FBXO3: variants seen among roughly 807,000 people sequenced by gnomAD.
FBXO3 encodes the protein F-box protein 3.
FBXO3 carries 17 observed loss-of-function variants against 64.8 expected under a neutral mutation model. That is an observed-to-expected ratio of 0.26 (90% CI 0.18 to 0.39). The LOEUF (loss-of-function observed/expected upper bound fraction) is 0.39. FBXO3 is among the 10% of genes least tolerant of loss of function. The pLI, the probability that FBXO3 is intolerant of heterozygous loss-of-function variation, is 1.00. For synonymous variants in FBXO3, 182 were observed against 201.6 expected, an observed-to-expected ratio of 0.90 and a Z score of 0.82; for missense variants, 420 against 589.9, an observed-to-expected ratio of 0.71 and a Z score of 2.98.
At chr11:33,767,818 C>T (rs1855413907) in intron 3 of FBXO3, among the ~76,000 whole-genome samples, 1 of 152,080 alleles carries the variant, frequency 6.6e-6, no homozygotes, top group South Asian at 2.1e-4. Flanking sequence ...AATATTCGAC[C>T]CTACATACCA....
chr11:33,750,996 T>A (rs1005727900), intron 7 of FBXO3, among the ~76,000 whole-genome samples: 2 of 152,180 alleles, frequency 1.3e-5, no homozygotes. Flanking sequence ...CTGCATGATG[T>A]CCAATGCTAA....
In FBXO3 at chr11:33,759,138, C is replaced by G. The variant is rs143065748; in HGVS notation, c.359-537G>C. Reference sequence around the variant, plus strand: ...AATGACAAATACCAAGAGATGAGATCGACATTCAGCAGCAGCCCACCAGGT... The same window carrying G: ...AATGACAAATACCAAGAGATGAGATGGACATTCAGCAGCAGCCCACCAGGT... On this transcript the variant is annotated intron_variant, in intron 3 of 10. Coordinates refer to ENST00000265651, the MANE Select transcript of FBXO3 (RefSeq NM_012175.4). Among the ~76,000 whole-genome samples, 6 of 152,224 alleles carry G rather than the reference C, an allele frequency of 3.9e-5. No homozygotes were observed. In the East Asian group the frequency reaches 1.2e-3, roughly 29 times the overall value.
intron 1 of FBXO3, chr11:33,772,160 A>G (rs112798241): frequency 1.6e-4 from 25 of 152,376 alleles, no homozygotes; most frequent in African/African-American, 5.5e-4. Flanking sequence ...CCAGTGTACT[A>G]ATCCAATCCA....
intron 3 of FBXO3, among the ~76,000 whole-genome samples, chr11:33,763,897 G>C (rs1469287922): frequency 2.0e-5 from 3 of 152,096 alleles, no homozygotes; most frequent in Admixed American, 1.3e-4. Context: ...CTGCCAAAAA[G>C]GCTAAAATAA....
At chr11:33,754,383 T>C (rs1855037483) in intron 6 of FBXO3, 72 bp downstream of exon 6, 2 of 1,350,800 alleles carry the variant, frequency 1.5e-6, no homozygotes, top group African/African-American at 1.5e-5. Context: ...TGAAAAAGTT[T>C]TTACCATTTT....
rs766474367 is a variant in FBXO3 at position 33,754,305 on chromosome 11, T to C, written c.724+150A>G. 11 of 596,096 alleles carry C rather than the reference T, an allele frequency of 1.8e-5. No homozygotes were observed. In the Admixed American group the frequency reaches 2.1e-4, roughly 11 times the overall value. The allele number at this position is 596,096 out of a possible 1,614,324, so 36.9% of individuals were successfully genotyped here. A position where few individuals can be genotyped will look rare whatever the true frequency, so the allele number is the denominator to read the frequency against. ...AAAACGGTTCTAATGAAAACCTAGA[T>C]GCAGTACTTTATAAACCAGCAAACC... On this transcript the variant is annotated intron_variant, in intron 6 of 10. Coordinates refer to ENST00000265651, the MANE Select transcript of FBXO3 (RefSeq NM_012175.4).
chr11:33,741,963 C>T lies in FBXO3; in HGVS notation c.1361G>A (p.Arg454Gln), dbSNP rs780599721. 28 of 1,613,952 alleles carry T rather than the reference C, an allele frequency of 1.7e-5. No homozygotes were observed. Among genetic ancestry groups the T allele is most frequent in the Middle Eastern group, 3.3e-4 (2 of 6,060 alleles). The change falls in exon 11 of 11, where the codon CGG becomes CAG. Residue 454 changes from arginine to glutamine, a missense_variant. Transcript: ENST00000265651. ...AATGGGAACATCAAAGACTCTCCTC[C>T]GTCTCTCCTCTTCATCATCTTCATC... ...ESDEDDEEERRRRVFDVPIRR... is the reference protein window; with the variant it reads ...ESDEDDEEERQRRVFDVPIRR...
At chr11:33,752,343 C>T (rs1854982241) in intron 6 of FBXO3, among the ~76,000 whole-genome samples, 2 of 152,114 alleles carry the variant, frequency 1.3e-5, no homozygotes, top group African/African-American at 4.8e-5. Context: ...GTCAGACCCC[C>T]CATTATTTAC....
chr11:33,759,429 G>A (rs1393885792), intron 3 of FBXO3, among the ~76,000 whole-genome samples: 2 of 152,196 alleles, frequency 1.3e-5, no homozygotes, highest in Non-Finnish European at 1.5e-5. Flanking sequence ...GTCCACAAAG[G>A]AGAGAGGGAC....
intron 8 of FBXO3, among the ~76,000 whole-genome samples, chr11:33,750,099 T>C (rs1276965491): frequency 6.6e-6 from 1 of 152,182 alleles, no homozygotes; most frequent in East Asian, 1.9e-4. Context: ...TTGCTTCTTA[T>C]TTAATAAAAT....
At chr11:33,774,307 C>G in intron 1 of FBXO3, 87 bp downstream of exon 1, 2 of 1,168,612 alleles carry the variant, frequency 1.7e-6, no homozygotes, top group Non-Finnish European at 2.5e-6. Flanking sequence ...AGCTCGGGTC[C>G]TGTCAGCGGC....
Position 33,747,260 on chromosome 11 carries a change from G to A in FBXO3, c.1109C>T (p.Ser370Phe). 1 of 1,613,584 alleles carries A rather than the reference G, an allele frequency of 6.2e-7. No homozygotes were observed. ...VYEYTSCTTF[S>F]TTSGYMEGYY... Reference sequence around the variant, plus strand: ...TCCTTCCATGTATCCTGATGTTGTAGAGAATGTGGTACAGCTTGTGTATTC... The same window carrying A: ...TCCTTCCATGTATCCTGATGTTGTAAAGAATGTGGTACAGCTTGTGTATTC... The change falls in exon 10 of 11, where the codon TCT becomes TTT. Residue 370 changes from serine to phenylalanine, a missense_variant. Ser to Phe is a radical substitution (Grantham distance 155, BLOSUM62 -2). Coordinates refer to ENST00000265651, the MANE Select transcript of FBXO3 (RefSeq NM_012175.4).
chr11:33,754,425 AG>A (rs1564989068), intron 6 of FBXO3, 29 bp downstream of exon 6: 3 of 1,547,902 alleles, frequency 1.9e-6, no homozygotes, highest in African/African-American at 2.8e-5. Flanking sequence ...AAGAAGAAGA[AG>A]GGGGAAAAAA....
At chr11:33,757,060 T>A in intron 4 of FBXO3, 1 of 518,830 alleles carries the variant, frequency 1.9e-6, no homozygotes, top group Non-Finnish European at 3.8e-6. Flanking sequence ...TACCTTATAA[T>A]CTCAATGTGA....
At chr11:33,742,329 T>A (rs1854706857) in intron 10 of FBXO3, 1 of 308,776 alleles carries the variant, frequency 3.2e-6, no homozygotes, top group Non-Finnish European at 5.9e-6. Flanking sequence ...ATCTTCTTTT[T>A]AAAAAAATTA....
chr11:33,774,313 G>A, intron 1 of FBXO3, 81 bp downstream of exon 1: 1 of 1,220,396 alleles, frequency 8.2e-7, no homozygotes, highest in East Asian at 2.7e-5. Context: ...GGTCCTGTCA[G>A]CGGCCCCGAC....
At chr11:33,749,463 C>T (rs1465089261) in intron 8 of FBXO3, among the ~76,000 whole-genome samples, 5 of 151,334 alleles carry the variant, frequency 3.3e-5, no homozygotes. Context: ...TAGGCTGAAG[C>T]CATTCTTCCG....
At chr11:33,763,690 T>C (rs1285839785) in intron 3 of FBXO3, among the ~76,000 whole-genome samples, 1 of 149,606 alleles carries the variant, frequency 6.7e-6, no homozygotes, top group East Asian at 1.9e-4. Flanking sequence ...TGCTTAAAGC[T>C]TTCCCTCTGC....
chr11:33,754,537 T>C (rs1855044061), intron 5 of FBXO3, 37 bp from the exon 6 acceptor site: 1 of 1,516,580 alleles, frequency 6.6e-7, no homozygotes, highest in Non-Finnish European at 8.9e-7. Flanking sequence ...TAAAAACACA[T>C]TTTACTTAAT....
Sources: allele counts gnomAD v4.1 joint callset (sites outside exome capture counted in the v4.1 genomes callset), GRCh38; gene constraint gnomAD v4.1.1; transcripts MANE v1.5; gene names NCBI Gene and HGNC (gene_info 2026-07-23, HGNC 2026-07-21).